KCNB2: variants seen among roughly 807,000 people sequenced by gnomAD.
The protein encoded by KCNB2 is delayed rectifier potassium channel protein.
A neutral mutation model predicts 61.5 loss-of-function variants in KCNB2; 15 were observed. The ratio of observed to expected loss-of-function variants is 0.24; its 90% confidence interval spans 0.16 to 0.38. The LOEUF (loss-of-function observed/expected upper bound fraction) is 0.38. KCNB2 is among the 10% of genes least tolerant of loss of function. KCNB2 has a pLI of 1.00. For missense variants in KCNB2, 828 were observed against 1,125.2 expected, an observed-to-expected ratio of 0.74 and a Z score of 3.78; for synonymous variants, 457 against 446.0, an observed-to-expected ratio of 1.02 and a Z score of -0.31.
At chr8:72,800,601 C>A (rs1809109404) in intron 2 of KCNB2, among the ~76,000 whole-genome samples, 1 of 152,102 alleles carries the variant, frequency 6.6e-6, no homozygotes, top group African/African-American at 2.4e-5. Context: ...TGGTTATTAC[C>A]CAGAGCTCCA....
chr8:72,932,034 A>G (rs898764408), intron 2 of KCNB2, among the ~76,000 whole-genome samples: 1 of 151,592 alleles, frequency 6.6e-6, no homozygotes, highest in South Asian at 2.1e-4. Flanking sequence ...AACAAAAAAA[A>G]CTCCTGAGAC....
chr8:72,812,021 G>T (rs1809314945), intron 2 of KCNB2, among the ~76,000 whole-genome samples: 1 of 152,152 alleles, frequency 6.6e-6, no homozygotes, highest in Admixed American at 6.5e-5. Context: ...CAGCACTTTG[G>T]GAGGGCAAGG....
intron 2 of KCNB2, among the ~76,000 whole-genome samples, chr8:72,630,547 T>C (rs541206294): frequency 6.6e-6 from 1 of 152,308 alleles, no homozygotes; most frequent in East Asian, 1.9e-4. Context: ...AGAAATTTAT[T>C]GCCTTTCAAT....
intron 2 of KCNB2, among the ~76,000 whole-genome samples, chr8:72,581,373 G>T (rs1806892934): frequency 1.3e-5 from 2 of 152,090 alleles, no homozygotes; most frequent in African/African-American, 4.8e-5. Context: ...TTTTGACTGT[G>T]CTGTGTTCAA....
intron 1 of KCNB2, among the ~76,000 whole-genome samples, chr8:72,544,475 G>C (rs1197598944): frequency 1.3e-5 from 2 of 152,290 alleles, no homozygotes; most frequent in East Asian, 3.9e-4. Context: ...AGAAAAGATT[G>C]ATACTTTGGA....
intron 2 of KCNB2, among the ~76,000 whole-genome samples, chr8:72,627,748 G>T (rs531937387): frequency 2.6e-4 from 39 of 152,260 alleles, no homozygotes; most frequent in Non-Finnish European, 5.3e-4. Context: ...TCTGACTTCA[G>T]ATAACTCTCC....
intron 2 of KCNB2, among the ~76,000 whole-genome samples, chr8:72,859,807 C>A (rs55829508): frequency 2.7e-5 from 4 of 149,678 alleles, no homozygotes; most frequent in South Asian, 2.1e-4. Context: ...GCAACCTCCG[C>A]CCCCTGGGTT....
chr8:72,869,895 A>G (rs1461643389), intron 2 of KCNB2, among the ~76,000 whole-genome samples: 1 of 152,172 alleles, frequency 6.6e-6, no homozygotes. Flanking sequence ...GCACCCCCCT[A>G]TTCACTGCGG....
chr8:72,885,014 G>C (rs947848750), intron 2 of KCNB2, among the ~76,000 whole-genome samples: 6 of 152,086 alleles, frequency 3.9e-5, no homozygotes, highest in African/African-American at 1.4e-4. Context: ...TAGCAAATTA[G>C]GAAGTTCTTA....
At chr8:72,663,429 G>A (rs1585815018) in intron 2 of KCNB2, among the ~76,000 whole-genome samples, 1 of 152,146 alleles carries the variant, frequency 6.6e-6, no homozygotes, top group East Asian at 1.9e-4. Flanking sequence ...TCTTCAGGCT[G>A]GAGTTTTGCA....
intron 2 of KCNB2, among the ~76,000 whole-genome samples, chr8:72,626,481 G>T (rs1360639979): frequency 6.6e-6 from 1 of 152,206 alleles, no homozygotes; most frequent in East Asian, 1.9e-4. Context: ...CATTTCTATT[G>T]CAGTGTACAG....
chr8:72,684,583 T>C (rs533421892), intron 2 of KCNB2, among the ~76,000 whole-genome samples: 25 of 152,248 alleles, frequency 1.6e-4, no homozygotes, highest in Non-Finnish European at 3.4e-4. Context: ...CCTCAAATGA[T>C]AAGAAGGTTT....
intron 2 of KCNB2, among the ~76,000 whole-genome samples, chr8:72,870,867 C>T (rs570966247): frequency 6.6e-6 from 1 of 152,290 alleles, no homozygotes; most frequent in East Asian, 1.9e-4. Context: ...GTCCCAGCTA[C>T]TCAGGAGGCT....
In KCNB2 at chr8:72,888,452, A is replaced by G. The variant is rs1218725396; in HGVS notation, c.580-47483A>G. On this transcript the variant is annotated intron_variant, in intron 2 of 2. Transcript: ENST00000523207. Reference sequence around the variant, plus strand: ...CTAATCTCCCTATAATCACAGTCATAATTATAAAAGATACTTTTAAGCAGC... The same window carrying G: ...CTAATCTCCCTATAATCACAGTCATGATTATAAAAGATACTTTTAAGCAGC... Among the ~76,000 whole-genome samples, 4 of 152,142 alleles carry G rather than the reference A, an allele frequency of 2.6e-5. No individual in the cohort carries two copies. The South Asian group carries it at 8.3e-4, about 32-fold the overall frequency.
At chr8:72,682,339 A>G (rs1274290924) in intron 2 of KCNB2, among the ~76,000 whole-genome samples, 2 of 152,132 alleles carry the variant, frequency 1.3e-5, no homozygotes, top group Non-Finnish European at 1.5e-5. Flanking sequence ...AATTATATAT[A>G]TTATTGATTA....
chr8:72,567,692 C>A lies in KCNB2; in HGVS notation c.-43C>A, dbSNP rs1386667231. Reference sequence around the variant, plus strand: ...AGAGGGATATTGCTTCAGTTGACCTCATTTTTTAAGGACCCTGGCTCTGCG... The same window carrying A: ...AGAGGGATATTGCTTCAGTTGACCTAATTTTTTAAGGACCCTGGCTCTGCG... On this transcript the variant is annotated 5_prime_UTR_variant, in exon 2 of 3. Coordinates refer to ENST00000523207, the MANE Select transcript of KCNB2 (RefSeq NM_004770.3). 2.2e-6 allele frequency: 3 copies of A among 1,394,484 alleles called. No homozygotes were observed. Among genetic ancestry groups the A allele is most frequent in the African/African-American group, 2.9e-5 (2 of 69,342 alleles). 86.4% of individuals were successfully genotyped at this position (1,394,484 alleles called of 1,614,324 possible).
chr8:72,812,424 G>T (rs1809322769), intron 2 of KCNB2, among the ~76,000 whole-genome samples: 1 of 151,940 alleles, frequency 6.6e-6, no homozygotes, highest in Non-Finnish European at 1.5e-5. Context: ...GGTAGTGGTG[G>T]GTATCCTTGT....
At chr8:72,556,855 C>T (rs938881518) in intron 1 of KCNB2, among the ~76,000 whole-genome samples, 9 of 152,070 alleles carry the variant, frequency 5.9e-5, no homozygotes, top group Non-Finnish European at 8.8e-5. Flanking sequence ...ATATCTTAGA[C>T]GAGGTAACTT....
At chr8:72,738,924 A>G (rs1369261721) in intron 2 of KCNB2, among the ~76,000 whole-genome samples, 27 of 152,282 alleles carry the variant, frequency 1.8e-4, no homozygotes, top group Non-Finnish European at 1.5e-5. Context: ...TGTAGTTTTC[A>G]TTTTGACATC....
Sources: allele counts gnomAD v4.1 joint callset (sites outside exome capture counted in the v4.1 genomes callset), GRCh38; gene constraint gnomAD v4.1.1; transcripts MANE v1.5; gene names NCBI Gene and HGNC (gene_info 2026-07-23, HGNC 2026-07-21).